The following SRD5A1 variants were observed in gnomAD, a reference collection of about 807,000 sequenced individuals.
SRD5A1 encodes the protein 3-oxo-5-alpha-steroid 4-dehydrogenase 1.
In SRD5A1, 22 loss-of-function variants were observed where a neutral mutation model predicts 28.2. That is an observed-to-expected ratio of 0.78 (90% CI 0.56 to 1.12). The LOEUF (loss-of-function observed/expected upper bound fraction) is 1.12. Ranked by LOEUF, SRD5A1 falls within the 50% of genes most tolerant of loss-of-function variation. SRD5A1 has a pLI of 0.00. For synonymous variants in SRD5A1, 151 were observed against 135.0 expected (o/e 1.12, Z -0.82); for missense variants, 300 against 346.7 (o/e 0.87, Z 1.07).
At chr5:6,641,381 A>G (rs1738355621) in intron 1 of SRD5A1, among the ~76,000 whole-genome samples, 1 of 152,214 alleles carries the variant, frequency 6.6e-6, no homozygotes, top group Non-Finnish European at 1.5e-5. Flanking sequence ...GCTAAAGGGA[A>G]TGGCCCGCAA....
chr5:6,664,811 G>A (rs934595373), intron 4 of SRD5A1, among the ~76,000 whole-genome samples: 1 of 152,364 alleles, frequency 6.6e-6, no homozygotes, highest in Admixed American at 6.5e-5. Flanking sequence ...GTATTTTCAC[G>A]CATAGACAGT....
chr5:6,647,243 G>A (rs942244153), intron 1 of SRD5A1, among the ~76,000 whole-genome samples: 15 of 152,216 alleles, frequency 9.9e-5, no homozygotes, highest in African/African-American at 3.6e-4. Flanking sequence ...TGAGAAGAGT[G>A]TATATTCTGT....
chr5:6,656,514 T>A (rs1332236325), intron 3 of SRD5A1, among the ~76,000 whole-genome samples: 1 of 152,192 alleles, frequency 6.6e-6, no homozygotes, highest in African/African-American at 2.4e-5. Context: ...GACCCTCCTC[T>A]GAAAACAGTT....
At chr5:6,643,586 G>T (rs1738424398) in intron 1 of SRD5A1, among the ~76,000 whole-genome samples, 1 of 152,088 alleles carries the variant, frequency 6.6e-6, no homozygotes, top group African/African-American at 2.4e-5. Flanking sequence ...CACTGCATCT[G>T]GTCCTGCCTT....
At chr5:6,637,753 G>A (rs982995460) in intron 1 of SRD5A1, among the ~76,000 whole-genome samples, 1 of 145,488 alleles carries the variant, frequency 6.9e-6, no homozygotes, top group African/African-American at 2.6e-5. Context: ...GGTGCCCAGA[G>A]TGCACAGTCA....
chr5:6,636,370 G>T (rs1057492941), intron 1 of SRD5A1, among the ~76,000 whole-genome samples: 1 of 152,226 alleles, frequency 6.6e-6, no homozygotes, highest in East Asian at 1.9e-4. Flanking sequence ...GGAGGCTGTG[G>T]GTACAAGGAT....
At chr5:6,662,112 G>T (rs1739024180) in intron 3 of SRD5A1, among the ~76,000 whole-genome samples, 1 of 151,940 alleles carries the variant, frequency 6.6e-6, no homozygotes, top group Non-Finnish European at 1.5e-5. Flanking sequence ...CTCTTCTCCT[G>T]CCTGGAGCAC....
intron 2 of SRD5A1, 105 bp from the exon 3 acceptor site, chr5:6,655,973 A>G: frequency 1.3e-6 from 1 of 797,032 alleles, no homozygotes; most frequent in Non-Finnish European, 2.1e-6. Context: ...TACACTAACA[A>G]TGGTAATCTG....
At position 6,671,814 on chromosome 5, in the gene SRD5A1, C is replaced by T. The variant is rs1038309235; in HGVS notation, c.*3546C>T. 1 of 152,260 alleles carries T rather than the reference C, an allele frequency of 6.6e-6. No homozygotes were observed. The highest frequency in any genetic ancestry group is 1.5e-5 in the Non-Finnish European group (1 of 68,192). 9.4% of individuals were successfully genotyped at this position (152,260 alleles called of 1,614,324 possible). On this transcript the variant is annotated 3_prime_UTR_variant, in exon 5 of 5. Transcript: ENST00000274192. ...ATGTAACCAAATACCACCTGTACCCCCAATAACTTATGGGAAAAAAAGATA... is the reference window on the plus strand; with the variant it reads ...ATGTAACCAAATACCACCTGTACCCTCAATAACTTATGGGAAAAAAAGATA...
intron 2 of SRD5A1, among the ~76,000 whole-genome samples, chr5:6,654,434 T>TTTTTGTTTG (rs1554001872): frequency 6.6e-6 from 1 of 151,458 alleles, no homozygotes; most frequent in African/African-American, 2.4e-5. Context: ...TAAGTTTTTT[T>TTTTTGTTTG]TTTGTTTGTT....
At chr5:6,659,171 T>C (rs1237817318) in intron 3 of SRD5A1, among the ~76,000 whole-genome samples, 3 of 151,198 alleles carry the variant, frequency 2.0e-5, no homozygotes, top group African/African-American at 7.3e-5. Flanking sequence ...TGGAGTGCAG[T>C]GGCGCGATCT....
At chr5:6,662,090 C>T (rs1334001016) in intron 3 of SRD5A1, among the ~76,000 whole-genome samples, 1 of 152,150 alleles carries the variant, frequency 6.6e-6, no homozygotes, top group East Asian at 1.9e-4. Context: ...TGCCTCAGGG[C>T]CTTTGCTGCA....
At chr5:6,643,943 T>G (rs1179209026) in intron 1 of SRD5A1, among the ~76,000 whole-genome samples, 1 of 152,206 alleles carries the variant, frequency 6.6e-6, no homozygotes, top group Admixed American at 6.5e-5. Flanking sequence ...TCTATTATAT[T>G]CTTTTGACAC....
At position 6,647,713 on chromosome 5, in the gene SRD5A1, CTT is replaced by C. The variant is rs1738548322; in HGVS notation, c.294-4127_294-4126del. 3.3e-5 allele frequency among the ~76,000 whole-genome samples: 5 copies of C among 152,160 alleles called. No individual in the cohort carries two copies. The South Asian group carries it at 1.0e-3, about 31-fold the overall frequency. ...TACAGCACACCGATGGGTCTTGTCTCTTTATCCAGTTTGCCAGTCTGTGTCTT... is the reference window on the plus strand; with the variant it reads ...TACAGCACACCGATGGGTCTTGTCTCTATCCAGTTTGCCAGTCTGTGTCTT... On this transcript the variant is annotated intron_variant, in intron 1 of 4. Transcript: ENST00000274192.
intron 2 of SRD5A1, among the ~76,000 whole-genome samples, chr5:6,653,182 C>G (rs576015399): frequency 2.6e-5 from 4 of 152,262 alleles, no homozygotes; most frequent in African/African-American, 7.2e-5. Context: ...CATTTCTCAG[C>G]CATGTTTTTT....
Position 6,665,098 on chromosome 5 carries a change from C to T in SRD5A1, c.713+2132C>T, listed in dbSNP as rs560699473. On this transcript the variant is annotated intron_variant, in intron 4 of 4. Coordinates refer to ENST00000274192, the MANE Select transcript of SRD5A1 (RefSeq NM_001047.4). ...TATCAGTTGAGATGAGAAGGGGAAA[C>T]GTGGATAGACGTACACCAGGTGATC... Among the ~76,000 whole-genome samples, 9 of 152,318 alleles carry T rather than the reference C, an allele frequency of 5.9e-5. No homozygotes were observed. The South Asian group carries it at 1.9e-3, about 32-fold the overall frequency.
chr5:6,672,081 G>T lies in SRD5A1; in HGVS notation c.*3813G>T, dbSNP rs1739377751. The stretch of plus-strand genomic sequence containing the variant: ...CTGAACAATCCACTGACCACTGCAG[G>T]CTCCCATTTATGATCTTGGGCCAAC... On this transcript the variant is annotated 3_prime_UTR_variant, in exon 5 of 5. Transcript: ENST00000274192. 6.6e-6 allele frequency: 1 copy of T among 152,224 alleles called. No homozygotes were observed. The allele number at this position is 152,224 out of a possible 1,614,324, so 9.4% of individuals were successfully genotyped here. A position where few individuals can be genotyped will look rare whatever the true frequency, so the allele number is the denominator to read the frequency against.
chr5:6,637,629 A>G (rs544277546), intron 1 of SRD5A1, among the ~76,000 whole-genome samples: 1 of 152,228 alleles, frequency 6.6e-6, no homozygotes, highest in East Asian at 1.9e-4. Context: ...TAGTCAGGGG[A>G]TTGTCTCTGC....
chr5:6,643,759 A>G (rs557685829), intron 1 of SRD5A1, among the ~76,000 whole-genome samples: 159 of 152,218 alleles, frequency 1.0e-3, no homozygotes, highest in African/African-American at 3.8e-3. Flanking sequence ...TCCTTGCTTC[A>G]CTAACCAATG....
Sources: allele counts gnomAD v4.1 joint callset (sites outside exome capture counted in the v4.1 genomes callset), GRCh38; gene constraint gnomAD v4.1.1; transcripts MANE v1.5; gene names NCBI Gene and HGNC (gene_info 2026-07-23, HGNC 2026-07-21).